The following SLC12A6 variants were observed in gnomAD, a reference collection of about 807,000 sequenced individuals.
The protein encoded by SLC12A6 is solute carrier family 12 member 6, also known as K-Cl cotransporter 3.
SLC12A6 carries 66 observed loss-of-function variants against 135.3 expected under a neutral mutation model. The ratio of observed to expected loss-of-function variants is 0.49; its 90% CI spans 0.40 to 0.60. The LOEUF is 0.60. SLC12A6 is among the 20% of genes least tolerant of loss of function. The pLI is 0.00. For missense variants in SLC12A6, 1,058 were observed against 1,452.3 expected (o/e 0.73, Z 4.41); for synonymous variants, 513 against 508.8 (o/e 1.01, Z -0.11).
intron 2 of SLC12A6, among the ~76,000 whole-genome samples, chr15:34,305,755 C>T (rs1447997179): frequency 6.6e-6 from 1 of 150,692 alleles, no homozygotes; most frequent in Admixed American, 6.6e-5. Context: ...CTCTCTCCTC[C>T]AGCATTTTTT....
chr15:34,241,423 A>G (rs1891633370), intron 17 of SLC12A6, 86 bp from the exon 18 acceptor site: 1 of 731,218 alleles, frequency 1.4e-6, no homozygotes, highest in Non-Finnish European at 2.4e-6. Context: ...GAATCTAAAA[A>G]TCACACATGT....
At position 34,250,896 on chromosome 15, in the gene SLC12A6, T is replaced by C. The variant is rs1281482032; in HGVS notation, c.1492+3A>G. The C allele has an allele frequency of 6.2e-7, 1 of 1,608,384 alleles. No individual in the cohort carries two copies. The highest frequency in any genetic ancestry group is 8.5e-7 in the Non-Finnish European group (1 of 1,174,830). ...TAAAATATACAACAGCCTATGTGTT[T>C]ACCTGTAACAGAGGGAAAGAAGATT... On this transcript the variant is annotated splice_donor_region_variant and intron_variant, in intron 11 of 25. Transcript: ENST00000354181.
At chr15:34,277,318 C>G (rs1254828161) in intron 2 of SLC12A6, among the ~76,000 whole-genome samples, 1 of 152,018 alleles carries the variant, frequency 6.6e-6, no homozygotes, top group East Asian at 1.9e-4. Context: ...CACCTGTAGT[C>G]CCAGCTACTC....
Position 34,305,185 on chromosome 15 carries a change from T to C in SLC12A6, c.272-29796A>G, listed in dbSNP as rs1896517632. Among the ~76,000 whole-genome samples, 3 of 152,266 alleles carry C rather than the reference T, an allele frequency of 2.0e-5. No individual in the cohort carries two copies. The South Asian group carries it at 6.2e-4, about 32-fold the overall frequency. Reference sequence around the variant, plus strand: ...GGTGAATCCTTGGAGCTCAAAAATTTTACAAGGATATCCCTATGTATGTGT... The same window carrying C: ...GGTGAATCCTTGGAGCTCAAAAATTCTACAAGGATATCCCTATGTATGTGT... On this transcript the variant is annotated intron_variant, in intron 2 of 25. Transcript: ENST00000354181.
intron 2 of SLC12A6, among the ~76,000 whole-genome samples, chr15:34,286,549 C>A (rs1419471793): frequency 6.6e-6 from 1 of 151,856 alleles, no homozygotes; most frequent in African/African-American, 2.4e-5. Flanking sequence ...AATCCCAGCA[C>A]TTTGGGAGGT....
At chr15:34,243,175 AG>A (rs1891766990) in intron 16 of SLC12A6, among the ~76,000 whole-genome samples, 1 of 151,572 alleles carries the variant, frequency 6.6e-6, no homozygotes, top group East Asian at 2.0e-4. Context: ...TACAGGCATG[AG>A]CCACCACGCC....
At chr15:34,254,327 G>C (rs768168741) in intron 9 of SLC12A6, 21 bp downstream of exon 9, 1 of 1,608,864 alleles carries the variant, frequency 6.2e-7, no homozygotes, top group Non-Finnish European at 8.5e-7. Flanking sequence ...AGGATGGCTA[G>C]GCAGAGAGAC....
rs368682142 is a variant in SLC12A6, at chr15:34,236,202, G to C, written c.3043-3C>G. 7.3e-5 allele frequency: 118 copies of C among 1,612,070 alleles called. No homozygotes were observed. The highest frequency in any genetic ancestry group is 9.5e-5 in the Non-Finnish European group (112 of 1,178,272). Reference sequence around the variant, plus strand: ...TTTCGGTCTTTCACCAATTGTGCCTGAGGAAGAAGGTCCAACACAAGTTAT... The same window carrying C: ...TTTCGGTCTTTCACCAATTGTGCCTCAGGAAGAAGGTCCAACACAAGTTAT... On this transcript the variant is annotated splice_polypyrimidine_tract_variant and splice_region_variant and intron_variant, in intron 23 of 25. Coordinates refer to ENST00000354181, the MANE Select transcript of SLC12A6 (RefSeq NM_001365088.1).
chr15:34,233,877 TA>T lies in SLC12A6; in HGVS notation c.*3del, dbSNP rs1217745954. ...ACAGGTCAAGCACGGTCATTCAGAG[TA>T]GGTTATGAATAAATGGTGATCACTT... On this transcript the variant is annotated 3_prime_UTR_variant, in exon 26 of 26. Coordinates refer to ENST00000354181, the MANE Select transcript of SLC12A6 (RefSeq NM_001365088.1). 6.6e-7 allele frequency: 1 copy of T among 1,515,798 alleles called. No homozygotes were observed. The highest frequency in any genetic ancestry group is 9.2e-7 in the Non-Finnish European group (1 of 1,090,378). 93.9% of individuals were successfully genotyped at this position (1,515,798 alleles called of 1,614,324 possible). A position where few individuals can be genotyped will look rare whatever the true frequency, so the allele number is the denominator to read the frequency against.
intron 2 of SLC12A6, among the ~76,000 whole-genome samples, chr15:34,303,244 A>G (rs1896381961): frequency 6.6e-6 from 1 of 152,172 alleles, no homozygotes; most frequent in Non-Finnish European, 1.5e-5. Flanking sequence ...GTTACAGTCA[A>G]AGGTTAACTG....
intron 2 of SLC12A6, among the ~76,000 whole-genome samples, chr15:34,291,201 T>G (rs977866374): frequency 9.2e-5 from 14 of 152,238 alleles, no homozygotes; most frequent in African/African-American, 3.4e-4. Flanking sequence ...TCTCAGCACT[T>G]GCTTGTCTGT....
chr15:34,338,011 G>A (rs1286531575), upstream of SLC12A6: 1 of 151,984 alleles, frequency 6.6e-6, no homozygotes, highest in Non-Finnish European at 1.5e-5. Flanking sequence ...CCGTCCCGCG[G>A]GCGCCCGAAA....
chr15:34,245,848 C>G lies in SLC12A6; in HGVS notation c.1669G>C (p.Gly557Arg), dbSNP rs2140693680. The change falls in exon 14 of 26, where the codon GGT (glycine) becomes CGT (arginine). Residue 557 changes from glycine (G) to arginine (R), a missense_variant. Physicochemically the swap from Gly to Arg is moderately radical, Grantham distance 125. This residue lies in a region of SLC12A6 where 170 missense variants were observed against 297.6 expected (regional missense o/e 0.57). Coordinates refer to ENST00000354181, the MANE Select transcript of SLC12A6 (RefSeq NM_001365088.1). Reference sequence around the variant, plus strand: ...GATAAGGTGCCTACCACCAAATTACCTTTCACAGCATCACCGAACCTGGGA... The same window carrying G: ...GATAAGGTGCCTACCACCAAATTACGTTTCACAGCATCACCGAACCTGGGA... ...LRDKFGDAVKGNLVVGTLSWP... is the reference protein window; with the variant it reads ...LRDKFGDAVKRNLVVGTLSWP... 2 of 1,613,044 alleles carry G rather than the reference C, an allele frequency of 1.2e-6. No homozygotes were observed. Among genetic ancestry groups the G allele is most frequent in the Non-Finnish European group, 1.7e-6 (2 of 1,179,040 alleles).
In SLC12A6 at chr15:34,284,012, T is replaced by A. The variant is rs76402592; in HGVS notation, c.272-8623A>T. ...CTCAGGCGATTCTCCTGCCTCAGCC[T>A]CCGAGGATTACAGGTGTGAGCCACC... is the stretch of plus-strand genomic sequence containing the variant. On this transcript the variant is annotated intron_variant, in intron 2 of 25. Coordinates refer to ENST00000354181, the MANE Select transcript of SLC12A6 (RefSeq NM_001365088.1). Among the ~76,000 whole-genome samples, 2,175 of 152,144 alleles carry A rather than the reference T, an allele frequency of 0.014. 161 individuals carry two copies. The East Asian group carries it at 0.25, about 17-fold the overall frequency.
chr15:34,293,182 CTTAA>C (rs1294498112), intron 2 of SLC12A6, among the ~76,000 whole-genome samples: 1 of 150,120 alleles, frequency 6.7e-6, no homozygotes, highest in Admixed American at 6.6e-5. Flanking sequence ...TTTAAAAAAT[CTTAA>C]TTGAGTTCTG....
intron 2 of SLC12A6, among the ~76,000 whole-genome samples, chr15:34,315,999 TG>T (rs1888624387): frequency 6.6e-6 from 1 of 152,206 alleles, no homozygotes; most frequent in Non-Finnish European, 1.5e-5. Flanking sequence ...TGCAGTGGTC[TG>T]GAACTGAGCC....
At chr15:34,234,690 A>G (rs1212629995) in intron 25 of SLC12A6, among the ~76,000 whole-genome samples, 1 of 152,194 alleles carries the variant, frequency 6.6e-6, no homozygotes, top group African/African-American at 2.4e-5. Context: ...TTCTTTCTTA[A>G]TGGTACTGGT....
intron 10 of SLC12A6, 152 bp from the exon 11 acceptor site, chr15:34,251,209 T>C (rs1483032676): frequency 7.6e-6 from 5 of 661,064 alleles, no homozygotes; most frequent in African/African-American, 3.7e-5. Flanking sequence ...ACACACACAT[T>C]GCACAATAAA....
chr15:34,235,131 G>C, intron 25 of SLC12A6, 50 bp downstream of exon 25: 5 of 1,530,326 alleles, frequency 3.3e-6, no homozygotes, highest in Non-Finnish European at 4.5e-6. Context: ...ATCTCAGAAA[G>C]AGGTTAAGGA....
Sources: gnomAD v4.1 joint callset for allele counts (sites outside exome capture counted in the v4.1 genomes callset) on GRCh38, gnomAD v4.1.1 for gene constraint, gnomAD v4.1.1 regional missense constraint, MANE v1.5 for transcripts, NCBI Gene and HGNC (gene_info 2026-07-23, HGNC 2026-07-21) for gene names.